APBB1IP: variants seen among roughly 807,000 people sequenced by gnomAD.
The protein encoded by APBB1IP is amyloid beta precursor protein binding family B member 1 interacting protein.
In APBB1IP, 27 loss-of-function variants were observed where a neutral mutation model predicts 64.9. That is an observed-to-expected ratio of 0.42 (90% CI 0.31 to 0.57). The LOEUF (loss-of-function observed/expected upper bound fraction) is 0.57, where lower values mean the gene tolerates loss of function less well. APBB1IP is among the 20% of genes least tolerant of loss of function. The pLI is 0.20. For synonymous variants in APBB1IP, 392 were observed against 331.0 expected, an observed-to-expected ratio of 1.18 and a Z score of -2.00; for missense variants, 812 against 845.5, an observed-to-expected ratio of 0.96 and a Z score of 0.49.
chr10:26,492,460 T>G (rs878919453), intron 3 of APBB1IP, 62 bp downstream of exon 3: 1 of 1,438,972 alleles, frequency 6.9e-7, no homozygotes, highest in South Asian at 1.2e-5. Context: ...AATTTCATTG[T>G]AATATGACAA....
At chr10:26,541,735 G>C (rs529011905) in intron 11 of APBB1IP, 43 bp downstream of exon 11, 3 of 1,419,874 alleles carry the variant, frequency 2.1e-6, no homozygotes, top group African/African-American at 2.9e-5. Context: ...TAAGCAATTT[G>C]AGTTAATTTT....
intron 8 of APBB1IP, among the ~76,000 whole-genome samples, chr10:26,528,104 T>C (rs1836500968): frequency 6.6e-6 from 1 of 152,192 alleles, no homozygotes; most frequent in African/African-American, 2.4e-5. Flanking sequence ...TCAAGCTCTC[T>C]GCTTAGAATC....
intron 11 of APBB1IP, among the ~76,000 whole-genome samples, chr10:26,548,415 G>T (rs1012283419): frequency 2.0e-5 from 3 of 147,122 alleles, no homozygotes; most frequent in Middle Eastern, 3.5e-3. Flanking sequence ...TCAAGGGATT[G>T]CTTTGAATCT....
intron 2 of APBB1IP, among the ~76,000 whole-genome samples, chr10:26,484,007 A>G (rs1170694636): frequency 6.6e-6 from 1 of 152,228 alleles, no homozygotes; most frequent in Non-Finnish European, 1.5e-5. Flanking sequence ...AGTAAAGACT[A>G]AGCATAACTA....
chr10:26,451,375 C>T (rs1159614431), intron 2 of APBB1IP, among the ~76,000 whole-genome samples: 1 of 152,178 alleles, frequency 6.6e-6, no homozygotes, highest in Non-Finnish European at 1.5e-5. Context: ...AGGCCTGAGC[C>T]ACTGCGCCCA....
intron 8 of APBB1IP, among the ~76,000 whole-genome samples, chr10:26,530,560 C>T (rs988480478): frequency 6.6e-5 from 10 of 151,824 alleles, no homozygotes; most frequent in Non-Finnish European, 1.2e-4. Flanking sequence ...CGTGGTAGTG[C>T]GTGCCTGTAA....
intron 8 of APBB1IP, among the ~76,000 whole-genome samples, chr10:26,532,941 C>T (rs1201255954): frequency 6.6e-6 from 1 of 152,196 alleles, no homozygotes; most frequent in Non-Finnish European, 1.5e-5. Context: ...ATAAAAGAGG[C>T]CGCTAACATT....
intron 6 of APBB1IP, 50 bp from the exon 7 acceptor site, chr10:26,511,697 C>G: frequency 6.2e-7 from 1 of 1,602,710 alleles, no homozygotes; most frequent in Non-Finnish European, 8.5e-7. Context: ...ATCTTAGTAG[C>G]CTTCTCCAGT....
intron 10 of APBB1IP, among the ~76,000 whole-genome samples, chr10:26,539,809 A>G (rs1836675240): frequency 6.6e-6 from 1 of 152,214 alleles, no homozygotes; most frequent in Non-Finnish European, 1.5e-5. Flanking sequence ...TTAAAGGGAA[A>G]ATTTACAGAA....
intron 8 of APBB1IP, among the ~76,000 whole-genome samples, chr10:26,517,635 G>C (rs1034469522): frequency 4.6e-5 from 7 of 152,178 alleles, no homozygotes; most frequent in Admixed American, 1.3e-4. Flanking sequence ...TGAGAGACAG[G>C]CTCTCACCAT....
intron 2 of APBB1IP, among the ~76,000 whole-genome samples, chr10:26,446,123 A>G (rs546678300): frequency 6.6e-6 from 1 of 152,320 alleles, no homozygotes; most frequent in East Asian, 1.9e-4. Flanking sequence ...AATCTTTTTC[A>G]GGTGATTTCA....
rs1491211698 is a variant in APBB1IP at position 26,481,826 on chromosome 10, C to CTT, written c.1-10501_1-10500insTT. Among the ~76,000 whole-genome samples, 798 of 143,342 alleles carry CTT rather than the reference C, an allele frequency of 5.6e-3. 6 individuals are homozygous for CTT. The highest frequency in any genetic ancestry group is 0.019 in the African/African-American group (726 of 39,112). 94.0% of individuals were successfully genotyped at this position (143,342 alleles called of 152,430 possible). A position where few individuals can be genotyped will look rare whatever the true frequency, so the allele number is the denominator to read the frequency against. On this transcript the variant is annotated intron_variant, in intron 2 of 14. Transcript: ENST00000376236. ...TAAAATGTGGTAGCCCATCTCATTA[C>CTT]GTGTGTGTGTGTGTGTGTGTGTGTG...
intron 11 of APBB1IP, among the ~76,000 whole-genome samples, chr10:26,555,924 G>A (rs1202484068): frequency 6.6e-6 from 1 of 152,126 alleles, no homozygotes; most frequent in South Asian, 2.1e-4. Flanking sequence ...AATGTACCTA[G>A]GAATTAGCAT....
At position 26,567,025 on chromosome 10, in the gene APBB1IP, A is replaced by C. The variant is rs773367935; in HGVS notation, c.1538A>C (p.Lys513Thr). 1 of 1,561,600 alleles carries C rather than the reference A, an allele frequency of 6.4e-7. No individual in the cohort carries two copies. The highest frequency in any genetic ancestry group is 1.1e-5 in the South Asian group (1 of 88,702). Reference sequence around the variant, plus strand: ...GTGCCCCGGGCCCCGCACGCCCCCAAGTCCAGCCTGCCCCCGCCCCCTCCG... The same window carrying C: ...GTGCCCCGGGCCCCGCACGCCCCCACGTCCAGCCTGCCCCCGCCCCCTCCG... ...PAVPRAPHAP[K>T]SSLPPPPPVR... Residue 513 changes from lysine (K) to threonine (T), a missense_variant, in exon 15 of 15, where the codon AAG becomes ACG. Physicochemically the swap from Lys to Thr is moderately conservative, Grantham distance 78. Around this residue, in one of 3 missense-constraint regions of APBB1IP, gnomAD observed 381 missense variants for 352.1 expected, o/e 1.08. Transcript: ENST00000376236.
At chr10:26,530,990 A>C (rs888526587) in intron 8 of APBB1IP, among the ~76,000 whole-genome samples, 2 of 152,222 alleles carry the variant, frequency 1.3e-5, no homozygotes, top group African/African-American at 4.8e-5. Flanking sequence ...CTTTCAAATA[A>C]CAAATAAAAG....
intron 2 of APBB1IP, among the ~76,000 whole-genome samples, chr10:26,442,403 G>A (rs1160087287): frequency 6.6e-6 from 1 of 152,180 alleles, no homozygotes; most frequent in Non-Finnish European, 1.5e-5. Flanking sequence ...CAAGCAAGCA[G>A]TGAGTTTAAT....
chr10:26,464,508 C>A (rs116501771), intron 2 of APBB1IP, among the ~76,000 whole-genome samples: 5,698 of 152,186 alleles, frequency 0.037, 329 homozygotes, highest in African/African-American at 0.12. Flanking sequence ...TCAAGTGATC[C>A]TCCCACCTCA....
At chr10:26,530,989 A>G (rs1836545460) in intron 8 of APBB1IP, among the ~76,000 whole-genome samples, 1 of 152,186 alleles carries the variant, frequency 6.6e-6, no homozygotes, top group Non-Finnish European at 1.5e-5. Flanking sequence ...CCTTTCAAAT[A>G]ACAAATAAAA....
At chr10:26,446,854 GTAGATAGA>G (rs373873259) in intron 2 of APBB1IP, among the ~76,000 whole-genome samples, 1 of 66,558 alleles carries the variant, frequency 1.5e-5, no homozygotes, top group Non-Finnish European at 2.8e-5. Context: ...AGCAAAACCT[GTAGATAGA>G]TAGATAGATA....
Sources: allele counts gnomAD v4.1 joint callset (sites outside exome capture counted in the v4.1 genomes callset), GRCh38; gene constraint gnomAD v4.1.1; regional missense constraint gnomAD v4.1.1; transcripts MANE v1.5; gene names NCBI Gene and HGNC (gene_info 2026-07-23, HGNC 2026-07-21).